DHX57: variants seen among roughly 807,000 people sequenced by gnomAD.
DHX57 encodes DExH-box helicase 57.
Under a neutral mutation model 156.2 loss-of-function variants are expected in DHX57, and 105 were observed. The observed-to-expected ratio is 0.67, with a 90% CI of 0.57 to 0.79. DHX57 has a LOEUF of 0.79. Ranked by LOEUF, DHX57 falls within the 30% of genes least tolerant of loss-of-function variation. DHX57 has a pLI of 0.00. For missense variants in DHX57, 1,847 were observed against 1,661.9 expected, an observed-to-expected ratio of 1.11 and a Z score of -1.94; for synonymous variants, 704 against 595.6, an observed-to-expected ratio of 1.18 and a Z score of -2.65.
Position 38,855,128 on chromosome 2 carries a change from G to T in DHX57, c.1834C>A (p.Arg612Ser). The T allele has an allele frequency of 1.2e-6, 2 of 1,614,012 alleles. No homozygotes were observed. Among genetic ancestry groups the T allele is most frequent in the Non-Finnish European group, 1.7e-6 (2 of 1,180,012 alleles). The change falls in exon 8 of 24, where the codon CGC becomes AGC. Residue 612 changes from arginine (R) to serine (S), a missense_variant. Physicochemically the swap from Arg to Ser is moderately radical, Grantham distance 110 (BLOSUM62 -1). Coordinates refer to ENST00000457308, the MANE Select transcript of DHX57 (RefSeq NM_198963.3). ...RRISAISVAE[R>S]VAKERAERVG... Reference sequence around the variant, plus strand: ...CTCTCTGCTCTTTCTTTAGCAACGCGTTCAGCAACAGAGATTGCAGAGATT... The same window carrying T: ...CTCTCTGCTCTTTCTTTAGCAACGCTTTCAGCAACAGAGATTGCAGAGATT...
intron 21 of DHX57, chr2:38,810,759 C>T (rs1318308429): frequency 1.2e-6 from 1 of 830,266 alleles, no homozygotes; most frequent in Non-Finnish European, 2.0e-6. Flanking sequence ...TGATTTTGCG[C>T]ACTTCCTGTT....
At chr2:38,821,381 A>G (rs1233840443) in intron 17 of DHX57, among the ~76,000 whole-genome samples, 1 of 152,124 alleles carries the variant, frequency 6.6e-6, no homozygotes, top group Non-Finnish European at 1.5e-5. Context: ...AGAAATAAAG[A>G]ACGGAAAAAC....
intron 6 of DHX57, 51 bp downstream of exon 6, chr2:38,858,610 T>C: frequency 1.9e-6 from 3 of 1,540,736 alleles, no homozygotes; most frequent in South Asian, 1.3e-5. Flanking sequence ...CCTAATCCCA[T>C]CATCCAGATA....
rs543188682 is a variant in DHX57 at position 38,875,797 on chromosome 2, G to C, written c.-17C>G. The C allele has an allele frequency of 2.6e-6, 1 of 380,430 alleles. No individual in the cohort carries two copies. The highest frequency in any genetic ancestry group is 2.1e-5 in the African/African-American group (1 of 48,414). The allele number at this position is 380,430 out of a possible 1,614,324, so 23.6% of individuals were successfully genotyped here. ...AAGTGGAAGACGTACCTGGCTCGCA[G>C]AGTTGGGTCCCGAGCCGGCTGTCGG... On this transcript the variant is annotated 5_prime_UTR_variant, in exon 1 of 24. Transcript: ENST00000457308.
rs116195151 is a variant in DHX57 at position 38,828,620 on chromosome 2, G to A, written c.2543-184C>T. Among the ~76,000 whole-genome samples, 385 of 152,196 alleles carry A rather than the reference G, an allele frequency of 2.5e-3. 1 individual carries two copies. The highest frequency in any genetic ancestry group is 0.01 in the Middle Eastern group (3 of 294). On this transcript the variant is annotated intron_variant, in intron 13 of 23. Transcript: ENST00000457308. The stretch of plus-strand genomic sequence containing the variant: ...CGCCTGTGGTCTCAGCTACTCGGCA[G>A]GCTGAGGTAGGAGGGTTGCTTGAGC...
chr2:38,861,683 C>T lies in DHX57; in HGVS notation c.727G>A (p.Glu243Lys). Residue 243 changes from glutamate (E) to lysine (K), a missense_variant, in exon 5 of 24, where the codon GAG (glutamate) becomes AAG (lysine). Transcript: ENST00000457308. ...TCTTCCTGTCGCTGTTCCATACACT[C>T]ATCCAAGCTTATCTGGTTGACTGCC... ...SEAVNQISLD[E>K]CMEQRQEEAF... 1.9e-6 allele frequency: 3 copies of T among 1,614,184 alleles called. No homozygotes were observed. Among genetic ancestry groups the T allele is most frequent in the South Asian group, 1.1e-5 (1 of 91,080 alleles).
chr2:38,830,342 T>C (rs1338327755), intron 13 of DHX57, among the ~76,000 whole-genome samples: 1 of 152,068 alleles, frequency 6.6e-6, no homozygotes, highest in African/African-American at 2.4e-5. Context: ...AGAAGGTTAT[T>C]AGTGGCCAGG....
At chr2:38,841,433 C>T (rs766207016) in intron 12 of DHX57, among the ~76,000 whole-genome samples, 2 of 152,212 alleles carry the variant, frequency 1.3e-5, no homozygotes, top group Admixed American at 1.3e-4. Flanking sequence ...CTTAGCTTTA[C>T]ATCTCTCAAT....
intron 20 of DHX57, among the ~76,000 whole-genome samples, chr2:38,814,316 A>G (rs754342004): frequency 6.6e-6 from 1 of 152,200 alleles, no homozygotes; most frequent in Non-Finnish European, 1.5e-5. Flanking sequence ...CAAAAAAAAG[A>G]GCACCTAATT....
chr2:38,823,226 C>G lies in DHX57; in HGVS notation c.3058G>C (p.Val1020Leu). The G allele has an allele frequency of 1.9e-6, 3 of 1,614,086 alleles. No homozygotes were observed. Among genetic ancestry groups the G allele is most frequent in the Non-Finnish European group, 2.5e-6 (3 of 1,180,032 alleles). Residue 1020 changes from valine (V) to leucine (L), a missense_variant, in exon 17 of 24, where the codon GTG becomes CTG. Coordinates refer to ENST00000457308, the MANE Select transcript of DHX57 (RefSeq NM_198963.3). ...GGAGGTTCAATGAGCCGAGAGAACA[C>G]AGACTGGAGATTATGAGCACTAAAC... Reference protein sequence around the residue: ...EMFSAHNLQSVFSRLIEPPHT... With the variant: ...EMFSAHNLQSLFSRLIEPPHT...
At chr2:38,815,409 A>G in intron 20 of DHX57, 112 bp downstream of exon 20, 1 of 1,355,376 alleles carries the variant, frequency 7.4e-7, no homozygotes, top group South Asian at 1.3e-5. Context: ...GAATGCCATT[A>G]ACCCACTGCT....
intron 8 of DHX57, 63 bp from the exon 9 acceptor site, chr2:38,854,241 G>A: frequency 6.4e-7 from 1 of 1,553,102 alleles, no homozygotes; most frequent in Non-Finnish European, 8.7e-7. Flanking sequence ...AACATTACTG[G>A]AAAGCCATTT....
chr2:38,861,896 G>A, intron 4 of DHX57, 59 bp from the exon 5 acceptor site: 1 of 1,479,740 alleles, frequency 6.8e-7, no homozygotes, highest in Non-Finnish European at 9.1e-7. Flanking sequence ...CACCATTACA[G>A]TAAAATTCAT....
chr2:38,862,425 A>T, intron 3 of DHX57, 92 bp from the exon 4 acceptor site: 3 of 1,221,356 alleles, frequency 2.5e-6, no homozygotes, highest in Non-Finnish European at 3.3e-6. Flanking sequence ...AATTCATAGG[A>T]TCCTGACTAC....
intron 13 of DHX57, among the ~76,000 whole-genome samples, chr2:38,836,879 G>T (rs1368785768): frequency 6.6e-6 from 1 of 151,984 alleles, no homozygotes; most frequent in Non-Finnish European, 1.5e-5. Flanking sequence ...TTGAGACAGG[G>T]TCTTGCTCTG....
chr2:38,843,020 G>A lies in DHX57; in HGVS notation c.2410C>T (p.Leu804=). ...PDQQLDFKQL[L]ARYKGVSKSV... is the part of the protein sequence containing the mutation. ...GGCATGTTACCTTTATAGCGGGCCA[G>A]GAGCTGCTTAAAATCTAACTGTTGA... The change falls in exon 12 of 24, where the codon CTG becomes TTG. Residue 804 remains leucine, a synonymous_variant. Coordinates refer to ENST00000457308, the MANE Select transcript of DHX57 (RefSeq NM_198963.3). The A allele has an allele frequency of 1.9e-6, 3 of 1,614,138 alleles. No individual in the cohort carries two copies. Among genetic ancestry groups the A allele is most frequent in the Non-Finnish European group, 2.5e-6 (3 of 1,180,010 alleles).
chr2:38,812,976 T>C (rs1670348148), intron 21 of DHX57, among the ~76,000 whole-genome samples: 1 of 151,918 alleles, frequency 6.6e-6, no homozygotes, highest in African/African-American at 2.4e-5. Context: ...GCCTCCTGAG[T>C]AGCTGGGATT....
chr2:38,847,066 T>G lies in DHX57; in HGVS notation c.2172A>C (p.Thr724=). ...CCAAAAAAAATTGATCAACAGGAAA[T>G]GTACGACCTAGAAAAACAAGGAGAC... ...SCPVITIPGR[T]FPVDQFFLED... Residue 724 remains threonine (T), a synonymous_variant, in exon 11 of 24, where the codon ACA becomes ACC. Transcript: ENST00000457308. 1 of 1,613,380 alleles carries G rather than the reference T, an allele frequency of 6.2e-7. No homozygotes were observed. Among genetic ancestry groups the G allele is most frequent in the South Asian group, 1.1e-5 (1 of 90,988 alleles).
chr2:38,866,519 T>C (rs1054003108), intron 2 of DHX57, among the ~76,000 whole-genome samples: 3 of 152,196 alleles, frequency 2.0e-5, no homozygotes, highest in African/African-American at 7.2e-5. Flanking sequence ...TTACACTCCT[T>C]TATTTCTCTC....
Sources: allele counts gnomAD v4.1 joint callset (sites outside exome capture counted in the v4.1 genomes callset), GRCh38; gene constraint gnomAD v4.1.1; transcripts MANE v1.5; gene names NCBI Gene and HGNC (gene_info 2026-07-23, HGNC 2026-07-21).